The following AUTS2 variants were observed in gnomAD, a reference collection of about 807,000 sequenced individuals.
The protein encoded by AUTS2 is activator of transcription and developmental regulator AUTS2.
In AUTS2, 17 loss-of-function variants were observed where a neutral mutation model predicts 112.4. The ratio of observed to expected loss-of-function variants is 0.15; its 90% CI spans 0.10 to 0.23. The LOEUF (loss-of-function observed/expected upper bound fraction) is 0.23. Among genes scored for constraint, AUTS2 ranks in the 10% least tolerant of loss-of-function variants. AUTS2 has a pLI of 1.00. For synonymous variants in AUTS2, 751 were observed against 702.7 expected (o/e 1.07, Z -1.09); for missense variants, 1,510 against 1,701.6 (o/e 0.89, Z 1.98).
At chr7:70,139,423 A>C (rs917289025) in intron 4 of AUTS2, among the ~76,000 whole-genome samples, 1 of 152,140 alleles carries the variant, frequency 6.6e-6, no homozygotes, top group South Asian at 2.1e-4. Context: ...TTATTTTCCC[A>C]TTGCTCTAGT....
chr7:70,703,428 C>G (rs548109698), intron 6 of AUTS2, among the ~76,000 whole-genome samples: 2 of 133,814 alleles, frequency 1.5e-5, no homozygotes, highest in Admixed American at 9.1e-5. Flanking sequence ...CCCACAAGGT[C>G]GAGGCTGCAG....
chr7:70,105,805 G>A (rs965361033), intron 2 of AUTS2, among the ~76,000 whole-genome samples: 1 of 150,506 alleles, frequency 6.6e-6, no homozygotes, highest in Non-Finnish European at 1.5e-5. Context: ...GGTGTGTAGA[G>A]CTACAGTGGA....
At chr7:70,077,751 C>T (rs1285587291) in intron 2 of AUTS2, among the ~76,000 whole-genome samples, 1 of 152,152 alleles carries the variant, frequency 6.6e-6, no homozygotes, top group Non-Finnish European at 1.5e-5. Context: ...AGAGTGGAAG[C>T]CATCAGGCTG....
chr7:70,754,251 G>A (rs922335638), intron 6 of AUTS2, among the ~76,000 whole-genome samples: 1 of 152,200 alleles, frequency 6.6e-6, no homozygotes, highest in East Asian at 1.9e-4. Context: ...AGCACTTTGA[G>A]AGGCCTAGGC....
chr7:70,478,560 C>T (rs1797668882), intron 5 of AUTS2, among the ~76,000 whole-genome samples: 1 of 152,150 alleles, frequency 6.6e-6, no homozygotes, highest in Admixed American at 6.5e-5. Context: ...TTTACCCAGA[C>T]CACTCAACCC....
At chr7:70,525,873 A>G (rs929810962) in intron 5 of AUTS2, among the ~76,000 whole-genome samples, 1 of 152,202 alleles carries the variant, frequency 6.6e-6, no homozygotes, top group African/African-American at 2.4e-5. Context: ...GGAAGGACAG[A>G]GGCAGGAAAC....
At chr7:70,298,702 A>G (rs1789060136) in intron 4 of AUTS2, among the ~76,000 whole-genome samples, 1 of 152,332 alleles carries the variant, frequency 6.6e-6, no homozygotes, top group East Asian at 1.9e-4. Context: ...CACTGGCAGT[A>G]ATACCTGGGC....
At chr7:69,883,145 A>G (rs908216940) in intron 1 of AUTS2, among the ~76,000 whole-genome samples, 3 of 152,204 alleles carry the variant, frequency 2.0e-5, no homozygotes, top group African/African-American at 7.2e-5. Flanking sequence ...CCACCAATAA[A>G]GAGTAGGGAT....
At chr7:69,774,758 T>C (rs1185672452) in intron 1 of AUTS2, among the ~76,000 whole-genome samples, 1 of 152,222 alleles carries the variant, frequency 6.6e-6, no homozygotes, top group Non-Finnish European at 1.5e-5. Context: ...TAAAGTATAC[T>C]TCAGTAAAGT....
intron 5 of AUTS2, chr7:70,436,574 A>G (rs989364887): frequency 6.6e-6 from 1 of 152,266 alleles, no homozygotes; most frequent in South Asian, 2.1e-4. Context: ...TATTTTGAAA[A>G]GAGTTACCTG....
intron 4 of AUTS2, among the ~76,000 whole-genome samples, chr7:70,372,747 A>G (rs1463614410): frequency 6.6e-6 from 1 of 150,908 alleles, no homozygotes; most frequent in Non-Finnish European, 1.5e-5. Flanking sequence ...AACAAAGAGG[A>G]AAAAAAAATC....
chr7:70,178,580 C>CAA (rs1809122311), intron 4 of AUTS2, among the ~76,000 whole-genome samples: 2 of 151,878 alleles, frequency 1.3e-5, no homozygotes, highest in South Asian at 4.1e-4. Context: ...CGGGTGGATC[C>CAA]CATGAGGTCA....
intron 4 of AUTS2, among the ~76,000 whole-genome samples, chr7:70,348,947 G>A (rs1345687854): frequency 6.6e-6 from 1 of 152,190 alleles, no homozygotes; most frequent in Admixed American, 6.5e-5. Flanking sequence ...AAGAAATGAA[G>A]AAAATAAAGA....
chr7:69,956,699 T>C (rs551925325), intron 2 of AUTS2, among the ~76,000 whole-genome samples: 1 of 152,300 alleles, frequency 6.6e-6, no homozygotes, highest in African/African-American at 2.4e-5. Context: ...AAACAGTCAG[T>C]CCAGTGCTCT....
intron 4 of AUTS2, among the ~76,000 whole-genome samples, chr7:70,376,425 C>A (rs541541247): frequency 1.3e-5 from 2 of 151,882 alleles, no homozygotes; most frequent in East Asian, 3.9e-4. Context: ...TTTTAATTTA[C>A]AGGTTGTATA....
intron 1 of AUTS2, among the ~76,000 whole-genome samples, chr7:69,671,601 T>C (rs1204786648): frequency 6.6e-6 from 1 of 151,896 alleles, no homozygotes; most frequent in Non-Finnish European, 1.5e-5. Context: ...CCCTAGTATC[T>C]AAGTGTGAAA....
At chr7:70,366,195 T>G (rs936482232) in intron 4 of AUTS2, among the ~76,000 whole-genome samples, 1 of 152,228 alleles carries the variant, frequency 6.6e-6, no homozygotes, top group East Asian at 1.9e-4. Flanking sequence ...CTTTTCCCTG[T>G]GACCTAATTG....
intron 2 of AUTS2, among the ~76,000 whole-genome samples, chr7:69,961,023 G>T (rs1005200561): frequency 2.0e-5 from 3 of 152,078 alleles, no homozygotes; most frequent in African/African-American, 7.2e-5. Flanking sequence ...TGTGTTGGGC[G>T]TGTATGTATG....
intron 5 of AUTS2, among the ~76,000 whole-genome samples, chr7:70,522,735 T>C (rs1404728383): frequency 6.6e-6 from 1 of 152,230 alleles, no homozygotes; most frequent in African/African-American, 2.4e-5. Flanking sequence ...TTCTGTGTCT[T>C]TGCTATTGTG....
Sources: gnomAD v4.1 joint callset for allele counts (sites outside exome capture counted in the v4.1 genomes callset) on GRCh38, gnomAD v4.1.1 for gene constraint, MANE v1.5 for transcripts, NCBI Gene and HGNC (gene_info 2026-07-23, HGNC 2026-07-21) for gene names.